ABTB3: variants seen among roughly 807,000 people sequenced by gnomAD.
The protein encoded by ABTB3 is ankyrin repeat and BTB domain containing 3.
At chr12:107,326,850 G>A in the ABTB3 span, among the ~76,000 whole-genome samples, 4 of 152,242 alleles carry the variant, frequency 2.6e-5, no homozygotes, top group Non-Finnish European at 4.4e-5. Flanking sequence ...CAGTAGTGAT[G>A]AAATCTTGCC....
the ABTB3 span, chr12:107,640,357 G>A: frequency 6.3e-7 from 1 of 1,599,082 alleles, no homozygotes; most frequent in East Asian, 2.2e-5. Flanking sequence ...TTACATTTCT[G>A]GTAGAAGGAA....
chr12:107,632,413 A>G, the ABTB3 span, among the ~76,000 whole-genome samples: 2 of 152,180 alleles, frequency 1.3e-5, no homozygotes, highest in African/African-American at 4.8e-5. Context: ...CCTAACCTTC[A>G]TAATACAGTC....
At chr12:107,420,935 G>A in the ABTB3 span, among the ~76,000 whole-genome samples, 56 of 152,178 alleles carry the variant, frequency 3.7e-4, no homozygotes, top group Non-Finnish European at 6.0e-4. Flanking sequence ...GGAGCTGCCC[G>A]AATCATTACT....
the ABTB3 span, among the ~76,000 whole-genome samples, chr12:107,541,734 G>A: frequency 6.6e-6 from 1 of 152,126 alleles, no homozygotes; most frequent in African/African-American, 2.4e-5. Context: ...ACCTTCATAA[G>A]GGAACAATAG....
chr12:107,391,686 A>C, the ABTB3 span, among the ~76,000 whole-genome samples: 2 of 152,132 alleles, frequency 1.3e-5, no homozygotes, highest in African/African-American at 4.8e-5. Flanking sequence ...ACCTAGTTTG[A>C]CGGTTTCAAC....
chr12:107,507,885 A>C, the ABTB3 span, among the ~76,000 whole-genome samples: 1 of 152,158 alleles, frequency 6.6e-6, no homozygotes, highest in Non-Finnish European at 1.5e-5. Flanking sequence ...TGGAATATCC[A>C]ATTTCTGTTT....
the ABTB3 span, among the ~76,000 whole-genome samples, chr12:107,624,294 G>T: frequency 6.6e-6 from 1 of 151,690 alleles, no homozygotes; most frequent in Non-Finnish European, 1.5e-5. Context: ...GATAATTGTA[G>T]ATTCATGAAG....
At chr12:107,485,870 T>C in the ABTB3 span, among the ~76,000 whole-genome samples, 8 of 152,354 alleles carry the variant, frequency 5.3e-5, no homozygotes, top group South Asian at 1.4e-3. Flanking sequence ...CCAGTCATGC[T>C]GAAGTGGCAA....
the ABTB3 span, among the ~76,000 whole-genome samples, chr12:107,420,090 C>CT: frequency 6.6e-6 from 1 of 152,138 alleles, no homozygotes; most frequent in Non-Finnish European, 1.5e-5. Flanking sequence ...GGCCCTGCAC[C>CT]TTTTTTCCCC....
chr12:107,422,215 A>G, the ABTB3 span, among the ~76,000 whole-genome samples: 1 of 152,130 alleles, frequency 6.6e-6, no homozygotes, highest in Non-Finnish European at 1.5e-5. Flanking sequence ...TGAAGTTCCT[A>G]ACATGAGAAT....
the ABTB3 span, among the ~76,000 whole-genome samples, chr12:107,422,206 G>C: frequency 6.6e-6 from 1 of 152,116 alleles, no homozygotes; most frequent in Non-Finnish European, 1.5e-5. Flanking sequence ...GAACAAGCGT[G>C]AAGTTCCTAA....
chr12:107,410,129 A>G, the ABTB3 span, among the ~76,000 whole-genome samples: 27 of 151,914 alleles, frequency 1.8e-4, no homozygotes, highest in African/African-American at 6.0e-4. Flanking sequence ...TGTGATTGCA[A>G]CTGTATAAGA....
At chr12:107,354,737 T>G in the ABTB3 span, among the ~76,000 whole-genome samples, 1 of 152,228 alleles carries the variant, frequency 6.6e-6, no homozygotes. Context: ...GAGTTCCAAC[T>G]TCTCCACATG....
the ABTB3 span, among the ~76,000 whole-genome samples, chr12:107,652,078 G>A: frequency 1.3e-5 from 2 of 152,240 alleles, no homozygotes; most frequent in African/African-American, 4.8e-5. Flanking sequence ...AATTCCACAG[G>A]CTGGGATGGG....
At chr12:107,436,856 G>A in the ABTB3 span, among the ~76,000 whole-genome samples, 2 of 152,136 alleles carry the variant, frequency 1.3e-5, no homozygotes, top group African/African-American at 2.4e-5. Context: ...GAAAAAAAAT[G>A]TGGAGAAGTT....
At chr12:107,442,710 G>A in the ABTB3 span, among the ~76,000 whole-genome samples, 2 of 152,158 alleles carry the variant, frequency 1.3e-5, no homozygotes, top group Non-Finnish European at 2.9e-5. Context: ...AGGCCCAGGG[G>A]GACTCTTAAG....
chr12:107,391,227 T>G, the ABTB3 span, among the ~76,000 whole-genome samples: 2,000 of 152,292 alleles, frequency 0.013, 45 homozygotes, highest in African/African-American at 0.044. Flanking sequence ...ATATTGCTGC[T>G]TTATAGATGA....
the ABTB3 span, among the ~76,000 whole-genome samples, chr12:107,353,067 A>T: frequency 6.6e-6 from 1 of 152,184 alleles, no homozygotes; most frequent in Non-Finnish European, 1.5e-5. Context: ...TAGGAGACCC[A>T]TCAGGTGATG....
chr12:107,374,393 C>T, the ABTB3 span, among the ~76,000 whole-genome samples: 3 of 152,124 alleles, frequency 2.0e-5, no homozygotes, highest in Non-Finnish European at 4.4e-5. Flanking sequence ...GGTTTGAGGC[C>T]GACTCACTCC....
Sources: gnomAD v4.1 joint callset for allele counts (sites outside exome capture counted in the v4.1 genomes callset) on GRCh38, gnomAD v4.1.1 for gene constraint, MANE v1.5 for transcripts, NCBI Gene and HGNC (gene_info 2026-07-23, HGNC 2026-07-21) for gene names.